BPTF: variants seen among roughly 807,000 people sequenced by gnomAD.
BPTF encodes the protein nucleosome-remodeling factor subunit BPTF.
In BPTF, 18 loss-of-function variants were observed where a neutral mutation model predicts 292.5. The ratio of observed to expected loss-of-function variants is 0.06; its 90% CI spans 0.04 to 0.09. The LOEUF is 0.09. BPTF is among the 10% of genes least tolerant of loss of function. BPTF has a pLI of 1.00. For synonymous variants in BPTF, 1,225 were observed against 1,251.9 expected, an observed-to-expected ratio of 0.98 and a Z score of 0.45; for missense variants, 2,726 against 3,498.7, an observed-to-expected ratio of 0.78 and a Z score of 5.57.
chr17:67,832,982 A>T (rs1444817690), intron 1 of BPTF, among the ~76,000 whole-genome samples: 6 of 147,554 alleles, frequency 4.1e-5, no homozygotes, highest in Admixed American at 3.4e-4. Context: ...TTTTTTTAGT[A>T]GAGACAGGGT....
chr17:67,969,174 C>T (rs1279042127), intron 26 of BPTF, among the ~76,000 whole-genome samples: 1 of 150,774 alleles, frequency 6.6e-6, no homozygotes, highest in Non-Finnish European at 1.5e-5. Flanking sequence ...AGGCCAGGCG[C>T]AGTGGCTCAT....
chr17:67,911,263 A>T lies in BPTF; in HGVS notation c.3379A>T (p.Asn1127Tyr). 2 of 1,614,086 alleles carry T rather than the reference A, an allele frequency of 1.2e-6. No individual in the cohort carries two copies. The highest frequency in any genetic ancestry group is 1.6e-4 in the Middle Eastern group (1 of 6,062). The change falls in exon 11 of 28, where the codon AAT becomes TAT. Residue 1127 changes from asparagine to tyrosine, a missense_variant. This residue lies in a region of BPTF where 713 missense variants were observed against 714.9 expected (regional missense o/e 1.00). Coordinates refer to ENST00000306378, the MANE Select transcript of BPTF (RefSeq NM_182641.4). The stretch of plus-strand genomic sequence containing the variant: ...CTCGATGAGACAAGAACAGAGCCCA[A>T]ATGCAAATAATGATCAACCTGAGGA... ...SDSMRQEQSP[N>Y]ANNDQPEDLI...
intron 24 of BPTF, chr17:67,963,491 C>T (rs1555685101): frequency 6.5e-7 from 1 of 1,531,130 alleles, no homozygotes; most frequent in Admixed American, 2.0e-5. Flanking sequence ...TGCAGAACAC[C>T]TTATGATGAG....
Position 67,943,895 on chromosome 17 carries a change from G to A in BPTF, c.6478-255G>A, listed in dbSNP as rs2147898205. Reference sequence around the variant, plus strand: ...TAGATTGGGAAACTTGGATCTGGAGGAACAGTGTTGCTTGTGGACAGATAA... The same window carrying A: ...TAGATTGGGAAACTTGGATCTGGAGAAACAGTGTTGCTTGTGGACAGATAA... On this transcript the variant is annotated intron_variant, in intron 19 of 27. Coordinates refer to ENST00000306378, the MANE Select transcript of BPTF (RefSeq NM_182641.4). 2.6e-5 allele frequency among the ~76,000 whole-genome samples: 4 copies of A among 152,254 alleles called. No individual in the cohort carries two copies. In the South Asian group the frequency reaches 8.3e-4, roughly 32 times the overall value.
At chr17:67,848,167 A>C (rs1258404799) in intron 1 of BPTF, among the ~76,000 whole-genome samples, 1 of 130,588 alleles carries the variant, frequency 7.7e-6, no homozygotes, top group African/African-American at 3.6e-5. Context: ...AAACACTGTA[A>C]ATTCTTTTTT....
At chr17:67,960,483 T>C (rs2067373353) in intron 24 of BPTF, 1 of 152,238 alleles carries the variant, frequency 6.6e-6, no homozygotes, top group South Asian at 2.1e-4. Flanking sequence ...GTTTGGCAGC[T>C]GGAAGCTGTT....
In BPTF at chr17:67,942,548, A is replaced by G. The variant is rs984269774; in HGVS notation, c.6478-1602A>G. Among the ~76,000 whole-genome samples, 14 of 152,288 alleles carry G rather than the reference A, an allele frequency of 9.2e-5. No homozygotes were observed. The South Asian group carries it at 1.9e-3, about 20-fold the overall frequency. The stretch of plus-strand genomic sequence containing the variant: ...GGTGGGCCTATCAGTCGGTTCAGCC[A>G]TTTTGGAAACTTCCTGGACATGGTC... On this transcript the variant is annotated intron_variant, in intron 19 of 27. Transcript: ENST00000306378.
intron 7 of BPTF, among the ~76,000 whole-genome samples, chr17:67,900,214 C>T (rs963936201): frequency 5.9e-5 from 9 of 152,024 alleles, no homozygotes; most frequent in Non-Finnish European, 1.0e-4. Flanking sequence ...AAGCAATTCT[C>T]CTGCCTCAGC....
chr17:67,846,925 T>G (rs1367501168), intron 1 of BPTF, among the ~76,000 whole-genome samples: 1 of 152,066 alleles, frequency 6.6e-6, no homozygotes, highest in Non-Finnish European at 1.5e-5. Flanking sequence ...GGTCCTAAAC[T>G]CCGGACCTCA....
chr17:67,933,546 G>C (rs890395381), intron 18 of BPTF, among the ~76,000 whole-genome samples: 1 of 151,894 alleles, frequency 6.6e-6, no homozygotes, highest in Non-Finnish European at 1.5e-5. Context: ...TCCAGCCTGG[G>C]AGACGGAGCA....
At chr17:67,948,329 T>A (rs782441352) in intron 23 of BPTF, 23 bp downstream of exon 23, 1 of 1,587,676 alleles carries the variant, frequency 6.3e-7, no homozygotes. Context: ...ATCCTTTTCT[T>A]CTGTGTCCAG....
intron 3 of BPTF, among the ~76,000 whole-genome samples, chr17:67,867,415 T>C (rs1174726777): frequency 6.6e-6 from 1 of 152,240 alleles, no homozygotes; most frequent in African/African-American, 2.4e-5. Context: ...TTTCCATATA[T>C]CCTGCACTTG....
At chr17:67,966,191 C>T (rs552833244) in intron 25 of BPTF, 4 of 175,362 alleles carry the variant, frequency 2.3e-5, no homozygotes, top group Admixed American at 5.6e-5. Context: ...TCTAACATCA[C>T]GTCTCTGCTA....
At position 67,912,173 on chromosome 17, in the gene BPTF, GAGT is replaced by G. The variant is rs776516529; in HGVS notation, c.4294_4296del (p.Val1432del). Reference sequence around the variant, plus strand: ...TGCTTGAAAGAAATTTCTGAGAGTAGAGTAGTAAGTGGTAATGTTGAACCAAAG... The same window carrying G: ...TGCTTGAAAGAAATTTCTGAGAGTAGAGTAAGTGGTAATGTTGAACCAAAG... On this transcript the variant is annotated inframe_deletion, in exon 11 of 28. Coordinates refer to ENST00000306378, the MANE Select transcript of BPTF (RefSeq NM_182641.4). 1.2e-6 allele frequency: 2 copies of G among 1,611,808 alleles called. No individual in the cohort carries two copies. Among genetic ancestry groups the G allele is most frequent in the Non-Finnish European group, 1.7e-6 (2 of 1,178,936 alleles).
intron 27 of BPTF, chr17:67,981,447 T>C: frequency 8.1e-7 from 1 of 1,238,162 alleles, no homozygotes. Flanking sequence ...TTGTGATATC[T>C]TTAGTCTGAA....
At chr17:67,961,618 G>T (rs2067497479) in intron 24 of BPTF, among the ~76,000 whole-genome samples, 1 of 152,108 alleles carries the variant, frequency 6.6e-6, no homozygotes, top group African/African-American at 2.4e-5. Context: ...AGGCCGAAGT[G>T]GGAGGATCAC....
At chr17:67,904,661 T>C in intron 8 of BPTF, 41 bp from the exon 9 acceptor site, 2 of 1,476,480 alleles carry the variant, frequency 1.4e-6, no homozygotes, top group East Asian at 2.4e-5. Flanking sequence ...ATAAGCATTG[T>C]TATTCTTATT....
At chr17:67,913,890 G>C (rs2062815340) in intron 11 of BPTF, among the ~76,000 whole-genome samples, 1 of 152,150 alleles carries the variant, frequency 6.6e-6, no homozygotes, top group African/African-American at 2.4e-5. Context: ...TTTGCCTGTG[G>C]CTACAGAGAC....
At position 67,945,325 on chromosome 17, in the gene BPTF, T is replaced by C. The variant is rs1025454771; in HGVS notation, c.6701-84T>C. On this transcript the variant is annotated intron_variant, in intron 20 of 27. Coordinates refer to ENST00000306378, the MANE Select transcript of BPTF (RefSeq NM_182641.4). Reference sequence around the variant, plus strand: ...ACCACGCCTGGCCAGAATTCTCAACTTCAGAAGATTTCCTTCAGATTCTTC... The same window carrying C: ...ACCACGCCTGGCCAGAATTCTCAACCTCAGAAGATTTCCTTCAGATTCTTC... 8 of 1,534,840 alleles carry C rather than the reference T, an allele frequency of 5.2e-6. No individual in the cohort carries two copies. In the East Asian group the frequency reaches 1.4e-4, roughly 26 times the overall value.
Sources: gnomAD v4.1 joint callset for allele counts (sites outside exome capture counted in the v4.1 genomes callset) on GRCh38, gnomAD v4.1.1 for gene constraint, gnomAD v4.1.1 regional missense constraint, MANE v1.5 for transcripts, NCBI Gene and HGNC (gene_info 2026-07-23, HGNC 2026-07-21) for gene names.